Variants in AMD1 observed in about 807,000 individuals in gnomAD.
AMD1 encodes the protein S-adenosylmethionine decarboxylase proenzyme.
AMD1 carries 11 observed loss-of-function variants against 40.2 expected under a neutral mutation model. The observed-to-expected ratio is 0.27, with a 90% CI of 0.17 to 0.45. The LOEUF (loss-of-function observed/expected upper bound fraction) is 0.45, where lower values mean the gene tolerates loss of function less well. AMD1 is among the 20% of genes least tolerant of loss of function. The probability of loss-of-function intolerance (pLI) is 1.00; values close to 1 mark genes in which losing one functional copy is unlikely to be tolerated. For synonymous variants in AMD1, 121 were observed against 130.8 expected, an observed-to-expected ratio of 0.93 and a Z score of 0.51; for missense variants, 257 against 410.2, an observed-to-expected ratio of 0.63 and a Z score of 3.23.
chr6:110,877,993 GA>G (rs1160621581), intron 1 of AMD1, among the ~76,000 whole-genome samples: 1 of 152,026 alleles, frequency 6.6e-6, no homozygotes, highest in Non-Finnish European at 1.5e-5. Context: ...ATATGAGGGA[GA>G]AAAAAATCCT....
chr6:110,859,081 C>T, the AMD1 span: 11,619 of 1,286,878 alleles, frequency 9.0e-3, 91 homozygotes, highest in Non-Finnish European at 0.011. Flanking sequence ...AGGGCTCCCT[C>T]GGGCGCGCAG....
At chr6:110,847,683 C>T in the AMD1 span, among the ~76,000 whole-genome samples, 16 of 151,504 alleles carry the variant, frequency 1.1e-4, 1 homozygote, top group East Asian at 7.7e-4. Flanking sequence ...ATTCCTTCAG[C>T]GAATTTCCTT....
At chr6:110,890,446 A>C in intron 4 of AMD1, 90 bp downstream of exon 4, 1 of 925,610 alleles carries the variant, frequency 1.1e-6, no homozygotes, top group Non-Finnish European at 1.7e-6. Flanking sequence ...ATACTTATGC[A>C]TATATAGCAT....
the AMD1 span, among the ~76,000 whole-genome samples, chr6:110,823,911 A>G: frequency 6.0e-4 from 92 of 152,378 alleles, no homozygotes; most frequent in Middle Eastern, 3.4e-3. Context: ...CACAGATTAG[A>G]AGAATCAAGA....
chr6:110,885,499 C>T (rs1309254947), intron 1 of AMD1, among the ~76,000 whole-genome samples: 2 of 152,120 alleles, frequency 1.3e-5, no homozygotes, highest in East Asian at 3.9e-4. Context: ...GGCAAGATCT[C>T]AGCTCACTGC....
the AMD1 span, among the ~76,000 whole-genome samples, chr6:110,847,082 G>T: frequency 6.6e-6 from 1 of 151,760 alleles, no homozygotes; most frequent in Non-Finnish European, 1.5e-5. Flanking sequence ...GTGTGTGTGT[G>T]TGTGTGTATA....
chr6:110,870,961 A>G (rs1169509897), upstream of AMD1, among the ~76,000 whole-genome samples: 2 of 152,240 alleles, frequency 1.3e-5, no homozygotes, highest in Non-Finnish European at 2.9e-5. Context: ...GTGACTTCTC[A>G]GAAGAGGCAA....
rs779004856 is a variant in AMD1, at chr6:110,888,948, C to A, written c.289C>A (p.Leu97Ile). 4.3e-6 allele frequency: 7 copies of A among 1,613,872 alleles called. No individual in the cohort carries two copies. The highest frequency in any genetic ancestry group is 5.9e-6 in the Non-Finnish European group (7 of 1,179,970). Reference sequence around the variant, plus strand: ...GAAAGCACTGGTTCCCCTGTTGAAGCTTGCTAGGGATTACAGTGGGTTTGA... The same window carrying A: ...GAAAGCACTGGTTCCCCTGTTGAAGATTGCTAGGGATTACAGTGGGTTTGA... ...LLKALVPLLK[L>I]ARDYSGFDSI... The change falls in exon 3 of 9, where the codon CTT becomes ATT. Residue 97 changes from leucine (L) to isoleucine (I), a missense_variant. This residue lies in a region of AMD1 where 192 missense variants were observed against 296.5 expected (regional missense o/e 0.65). Coordinates refer to ENST00000368885, the MANE Select transcript of AMD1 (RefSeq NM_001634.6).
the AMD1 span, among the ~76,000 whole-genome samples, chr6:110,836,523 G>T: frequency 2.6e-5 from 4 of 152,130 alleles, no homozygotes; most frequent in Admixed American, 1.3e-4. Context: ...TTTTCATTTA[G>T]AGTATTTCCC....
At chr6:110,825,154 T>C in the AMD1 span, among the ~76,000 whole-genome samples, 2 of 152,238 alleles carry the variant, frequency 1.3e-5, no homozygotes, top group East Asian at 3.8e-4. Flanking sequence ...TAAGGTTTCA[T>C]TGATAAATTA....
chr6:110,883,312 A>C (rs1785503193), intron 1 of AMD1, among the ~76,000 whole-genome samples: 1 of 152,150 alleles, frequency 6.6e-6, no homozygotes, highest in Admixed American at 6.5e-5. Flanking sequence ...ACCAGCAGTG[A>C]ATTTCCTGTT....
chr6:110,871,455 T>C (rs1163655455), upstream of AMD1, among the ~76,000 whole-genome samples: 1 of 152,148 alleles, frequency 6.6e-6, no homozygotes, highest in Admixed American at 6.6e-5. Flanking sequence ...ATTCTTGAAA[T>C]GTTTTAGAAA....
upstream of AMD1, among the ~76,000 whole-genome samples, chr6:110,872,989 C>G (rs902963209): frequency 6.6e-6 from 1 of 152,032 alleles, no homozygotes; most frequent in Admixed American, 6.6e-5. Flanking sequence ...ATCTTTATTC[C>G]AAGTAGAGTA....
At chr6:110,853,837 T>C in the AMD1 span, among the ~76,000 whole-genome samples, 1 of 152,234 alleles carries the variant, frequency 6.6e-6, no homozygotes, top group Non-Finnish European at 1.5e-5. Context: ...CTCCATTATC[T>C]ACATAATATT....
chr6:110,820,731 C>T, the AMD1 span, among the ~76,000 whole-genome samples: 1 of 151,934 alleles, frequency 6.6e-6, no homozygotes, highest in African/African-American at 2.4e-5. Flanking sequence ...GTGAAACCCC[C>T]ATCTTTACTA....
intron 1 of AMD1, among the ~76,000 whole-genome samples, chr6:110,887,086 G>C (rs970599348): frequency 6.6e-6 from 1 of 152,044 alleles, no homozygotes; most frequent in South Asian, 2.1e-4. Flanking sequence ...CCGACAGACA[G>C]GCTTTTAAAT....
At chr6:110,857,676 C>T in the AMD1 span, among the ~76,000 whole-genome samples, 1 of 134,970 alleles carries the variant, frequency 7.4e-6, no homozygotes, top group African/African-American at 2.8e-5. Flanking sequence ...ATACAGATGG[C>T]ATATATATAT....
chr6:110,876,739 G>C (rs1006259251), intron 1 of AMD1, among the ~76,000 whole-genome samples: 13 of 152,206 alleles, frequency 8.5e-5, no homozygotes, highest in Non-Finnish European at 1.6e-4. Context: ...TCATTTCACA[G>C]ATGAGAAAGA....
At position 110,892,724 on chromosome 6, in the gene AMD1, T is replaced by TC. The variant is rs34637914; in HGVS notation, c.616-3dup. 1,014,506 of 1,537,652 alleles carry TC rather than the reference T, an allele frequency of 0.66. 330,720 individuals are homozygous for TC. The highest frequency in any genetic ancestry group is 0.78 in the Admixed American group (44,171 of 56,342). ...AAACCCTTGTTAAACTCGGTCTTTT[T>TC]CCCCCCCCAGGAGAGTGGAATTCGT... On this transcript the variant is annotated splice_polypyrimidine_tract_variant and intron_variant, in intron 6 of 8. Transcript: ENST00000368885.
Sources: gnomAD v4.1 joint callset for allele counts (sites outside exome capture counted in the v4.1 genomes callset) on GRCh38, gnomAD v4.1.1 for gene constraint, gnomAD v4.1.1 regional missense constraint, MANE v1.5 for transcripts, NCBI Gene and HGNC (gene_info 2026-07-23, HGNC 2026-07-21) for gene names.